DNMBP: variants seen among roughly 807,000 people sequenced by gnomAD.
DNMBP encodes dynamin binding protein.
DNMBP carries 87 observed loss-of-function variants against 150.0 expected under a neutral mutation model. The ratio of observed to expected loss-of-function variants is 0.58; its 90% CI spans 0.49 to 0.69. DNMBP has a LOEUF of 0.69. Ranked by LOEUF, DNMBP falls within the 30% of genes least tolerant of loss-of-function variation. The pLI is 0.00. For synonymous variants in DNMBP, 711 were observed against 750.4 expected, an observed-to-expected ratio of 0.95 and a Z score of 0.86; for missense variants, 1,774 against 1,949.0, an observed-to-expected ratio of 0.91 and a Z score of 1.69.
At chr10:99,959,940 T>C (rs1305158391) in intron 3 of DNMBP, among the ~76,000 whole-genome samples, 2 of 152,056 alleles carry the variant, frequency 1.3e-5, no homozygotes, top group African/African-American at 2.4e-5. Context: ...TGTTCAATCA[T>C]GTTCTCCAGA....
In DNMBP at chr10:99,956,867, C is replaced by T. The variant is rs1396045518; in HGVS notation, c.607G>A (p.Gly203Arg). 2.5e-6 allele frequency: 4 copies of T among 1,614,184 alleles called. No homozygotes were observed. In the Admixed American group the frequency reaches 5.0e-5, roughly 20 times the overall value. The part of the protein sequence containing the change: ...IFPEGFVELL[G>R]PLRTVDESVS... ...GACTCATCCACAGTCCTCAGGGGCC[C>T]CAACAGCTCTACAAAACCTTCTGGA... The change falls in exon 4 of 17, where the codon GGG (glycine) becomes AGG (arginine). Residue 203 changes from glycine to arginine, a missense_variant. Transcript: ENST00000324109.
chr10:99,950,608 T>A (rs534988745), intron 4 of DNMBP, among the ~76,000 whole-genome samples: 22 of 152,248 alleles, frequency 1.4e-4, no homozygotes, highest in Non-Finnish European at 2.8e-4. Context: ...TGTTGGGAAC[T>A]GGACCAAAAG....
intron 4 of DNMBP, among the ~76,000 whole-genome samples, 174 bp downstream of exon 4, chr10:99,955,040 G>A (rs1368190259): frequency 4.9e-5 from 7 of 143,346 alleles, no homozygotes; most frequent in African/African-American, 1.1e-4. Flanking sequence ...GCAACAGAGC[G>A]AGACTGTCTC....
intron 4 of DNMBP, among the ~76,000 whole-genome samples, chr10:99,911,187 G>A (rs776262074): frequency 6.6e-6 from 1 of 152,028 alleles, no homozygotes; most frequent in Admixed American, 6.5e-5. Flanking sequence ...GTTGCAGTAA[G>A]CTGAGATTAT....
chr10:99,948,564 A>T (rs1247085799), intron 4 of DNMBP, among the ~76,000 whole-genome samples: 1 of 152,214 alleles, frequency 6.6e-6, no homozygotes, highest in Non-Finnish European at 1.5e-5. Context: ...AGCCTAGACC[A>T]CAAAAATGAG....
intron 3 of DNMBP, among the ~76,000 whole-genome samples, chr10:99,961,267 C>CTTTTTTTTTTTT (rs555063019): frequency 2.4e-5 from 2 of 84,728 alleles, no homozygotes; most frequent in African/African-American, 4.7e-5. Flanking sequence ...TTCCCTTTTT[C>CTTTTTTTTTTTT]TTTTTTTTTT....
intron 3 of DNMBP, among the ~76,000 whole-genome samples, chr10:99,960,375 A>C (rs2040550839): frequency 6.6e-6 from 1 of 152,200 alleles, no homozygotes; most frequent in African/African-American, 2.4e-5. Flanking sequence ...GAGGTGCTCA[A>C]GGAATGCACC....
intron 4 of DNMBP, among the ~76,000 whole-genome samples, chr10:99,946,595 T>C (rs1001143812): frequency 6.6e-6 from 1 of 152,178 alleles, no homozygotes; most frequent in Non-Finnish European, 1.5e-5. Flanking sequence ...TCTCACCATA[T>C]ACAAAAATTA....
chr10:99,999,944 T>C (rs1435307124), intron 1 of DNMBP, among the ~76,000 whole-genome samples: 4 of 152,188 alleles, frequency 2.6e-5, no homozygotes, highest in Non-Finnish European at 5.9e-5. Flanking sequence ...ATTTCAGGAA[T>C]ATGAGCCAAG....
intron 4 of DNMBP, among the ~76,000 whole-genome samples, chr10:99,929,337 A>G (rs1330260013): frequency 6.6e-6 from 1 of 152,156 alleles, no homozygotes; most frequent in African/African-American, 2.4e-5. Flanking sequence ...TTGAGATTAG[A>G]GACATCTGAA....
At chr10:99,932,983 A>T (rs916614132) in intron 4 of DNMBP, among the ~76,000 whole-genome samples, 1 of 151,330 alleles carries the variant, frequency 6.6e-6, no homozygotes, top group Non-Finnish European at 1.5e-5. Context: ...CTTACGGTTC[A>T]GTAACAGGGC....
At chr10:99,931,428 A>T (rs758287880) in intron 4 of DNMBP, among the ~76,000 whole-genome samples, 1 of 152,200 alleles carries the variant, frequency 6.6e-6, no homozygotes, top group Non-Finnish European at 1.5e-5. Flanking sequence ...TCCCACCTGC[A>T]GACAGTTAGT....
rs1292469355 is a variant in DNMBP at position 99,884,142 on chromosome 10, A to C, written c.3866T>G (p.Leu1289Arg). The C allele has an allele frequency of 6.2e-7, 1 of 1,614,066 alleles. No homozygotes were observed. The highest frequency in any genetic ancestry group is 8.5e-7 in the Non-Finnish European group (1 of 1,180,032). The change falls in exon 15 of 17, where the codon CTC becomes CGC. Residue 1289 changes from leucine to arginine, a missense_variant. Around this residue, in one of 2 missense-constraint regions of DNMBP, gnomAD observed 1,430 missense variants for 1,492.5 expected, o/e 0.96. Coordinates refer to ENST00000324109, the MANE Select transcript of DNMBP (RefSeq NM_015221.4). ...ATTGAAGTTCCGTTCTGCCTGGAAG[A>C]GTTTTTCAGGGGGATACCTGGCCAG... is the stretch of plus-strand genomic sequence containing the variant. The part of the protein sequence containing the change: ...SLLARYPPEK[L>R]FQAERNFNAA...
rs201281774 is a variant in DNMBP at position 99,986,347 on chromosome 10, A to G, written c.-10-14213T>C. 9.2e-5 allele frequency among the ~76,000 whole-genome samples: 14 copies of G among 151,802 alleles called. No homozygotes were observed. In the East Asian group the frequency reaches 2.5e-3, roughly 27 times the overall value. The stretch of plus-strand genomic sequence containing the variant: ...CAACATAGTGAGACCCCATCTCTGG[A>G]AAAAAAAATTTAGTTCAGAGACTAA... On this transcript the variant is annotated intron_variant, in intron 1 of 16. Transcript: ENST00000324109.
intron 4 of DNMBP, 83 bp from the exon 5 acceptor site, chr10:99,909,229 T>C (rs6584331): frequency 0.5 from 546,111 of 1,084,692 alleles, 140,985 homozygotes; most frequent in African/African-American, 0.6. Flanking sequence ...AGAACCCATT[T>C]CCTGAGAACC....
intron 11 of DNMBP, among the ~76,000 whole-genome samples, chr10:99,893,475 C>G (rs901220426): frequency 6.6e-6 from 1 of 152,216 alleles, no homozygotes; most frequent in African/African-American, 2.4e-5. Context: ...GTGGCTCACG[C>G]CTGTAATTCC....
At chr10:99,937,384 T>TC (rs1237648447) in intron 4 of DNMBP, among the ~76,000 whole-genome samples, 1 of 152,056 alleles carries the variant, frequency 6.6e-6, no homozygotes, top group Non-Finnish European at 1.5e-5. Context: ...TTCACTACCC[T>TC]CCAAGGAGGG....
intron 7 of DNMBP, among the ~76,000 whole-genome samples, chr10:99,899,105 C>G (rs189130793): frequency 6.6e-6 from 1 of 151,900 alleles, no homozygotes; most frequent in South Asian, 2.1e-4. Context: ...GGCAGGGGAT[C>G]GCTTGAACCC....
intron 4 of DNMBP, among the ~76,000 whole-genome samples, chr10:99,918,699 T>TG (rs1335877515): frequency 6.6e-6 from 1 of 151,594 alleles, no homozygotes; most frequent in East Asian, 1.9e-4. Context: ...CCCGAGTAGC[T>TG]GGGATTACAG....
Sources: gnomAD v4.1 joint callset for allele counts (sites outside exome capture counted in the v4.1 genomes callset) on GRCh38, gnomAD v4.1.1 for gene constraint, gnomAD v4.1.1 regional missense constraint, MANE v1.5 for transcripts, NCBI Gene and HGNC (gene_info 2026-07-23, HGNC 2026-07-21) for gene names.